RRAS2: variants seen among roughly 807,000 people sequenced by gnomAD.
The protein encoded by RRAS2 is ras-related protein R-Ras2.
RRAS2 carries 7 observed loss-of-function variants against 27.6 expected under a neutral mutation model. That is an observed-to-expected ratio of 0.25 (90% CI 0.14 to 0.48). The LOEUF (loss-of-function observed/expected upper bound fraction) is 0.48. Ranked by LOEUF, RRAS2 falls within the 20% of genes least tolerant of loss-of-function variation. The pLI, the probability that RRAS2 is intolerant of heterozygous loss-of-function variation, is 0.99. For missense variants in RRAS2, 178 were observed against 256.2 expected, an observed-to-expected ratio of 0.69 and a Z score of 2.08; for synonymous variants, 86 against 90.9, an observed-to-expected ratio of 0.95 and a Z score of 0.31.
At chr11:14,364,425 C>CTCA (rs1361995071) in exon 1 of RRAS2, 8 of 1,534,942 alleles carry the variant, frequency 5.2e-6, no homozygotes, top group Non-Finnish European at 7.0e-6. Flanking sequence ...CACTTATTTC[C>CTCA]TTAATGGGCC....
At chr11:14,335,458 C>T (rs1482764522) in intron 1 of RRAS2, among the ~76,000 whole-genome samples, 4 of 152,110 alleles carry the variant, frequency 2.6e-5, no homozygotes, top group South Asian at 2.1e-4. Context: ...AGATGAATGA[C>T]AAAATGACTT....
At chr11:14,361,161 C>T (rs1279387845), upstream of RRAS2, among the ~76,000 whole-genome samples, 1 of 152,140 alleles carries the variant, frequency 6.6e-6, no homozygotes, top group African/African-American at 2.4e-5. Flanking sequence ...GTGGTACACG[C>T]CTATAGTCCC....
At chr11:14,290,139 T>C (rs1849770840) in intron 4 of RRAS2, among the ~76,000 whole-genome samples, 1 of 152,158 alleles carries the variant, frequency 6.6e-6, no homozygotes, top group Non-Finnish European at 1.5e-5. Context: ...ACACCTTTAA[T>C]TGTGAAGAGA....
chr11:14,347,863 C>T (rs1028096182), intron 1 of RRAS2, among the ~76,000 whole-genome samples: 4 of 48,278 alleles, frequency 8.3e-5, no homozygotes, highest in African/African-American at 2.0e-4. Flanking sequence ...AAGATAAATT[C>T]CAGTAGAAAA....
At chr11:14,328,865 T>C (rs1554951495) in intron 1 of RRAS2, among the ~76,000 whole-genome samples, 1 of 151,840 alleles carries the variant, frequency 6.6e-6, no homozygotes, top group African/African-American at 2.4e-5. Flanking sequence ...GGTTTCTCCA[T>C]GTTGGTCAGG....
At chr11:14,280,230 G>A (rs1016092528) in intron 5 of RRAS2, among the ~76,000 whole-genome samples, 4 of 151,546 alleles carry the variant, frequency 2.6e-5, no homozygotes, top group Admixed American at 6.6e-5. Flanking sequence ...AACCATCATC[G>A]CCATCCATCT....
chr11:14,315,415 AC>A (rs2133988976), intron 1 of RRAS2, among the ~76,000 whole-genome samples: 1 of 152,372 alleles, frequency 6.6e-6, no homozygotes, highest in East Asian at 1.9e-4. Flanking sequence ...TCTACAAAAT[AC>A]TTAATGAGTA....
intron 1 of RRAS2, among the ~76,000 whole-genome samples, chr11:14,334,926 C>T (rs1327911791): frequency 6.6e-6 from 1 of 152,114 alleles, no homozygotes; most frequent in Non-Finnish European, 1.5e-5. Flanking sequence ...CTGCTCTTAC[C>T]TTCCTTCTTT....
At chr11:14,281,554 T>C (rs1390356427) in intron 5 of RRAS2, 48 bp downstream of exon 5, 1 of 1,429,858 alleles carries the variant, frequency 7.0e-7, no homozygotes, top group Non-Finnish European at 9.5e-7. Flanking sequence ...ACTAAAAACA[T>C]TTAATAGTAA....
intron 4 of RRAS2, among the ~76,000 whole-genome samples, chr11:14,284,892 C>T (rs1307397646): frequency 1.3e-5 from 2 of 152,076 alleles, no homozygotes; most frequent in Non-Finnish European, 2.9e-5. Flanking sequence ...TTTACTTTAA[C>T]CTTTGTGTCT....
At chr11:14,318,559 C>A (rs954111623) in intron 1 of RRAS2, among the ~76,000 whole-genome samples, 3 of 151,978 alleles carry the variant, frequency 2.0e-5, no homozygotes, top group Admixed American at 6.6e-5. Context: ...GAGATGGCAC[C>A]TATTCAATTA....
In RRAS2 at chr11:14,301,969, C is replaced by T. The variant is rs191339224; in HGVS notation, c.109-6114G>A. 1.4e-3 allele frequency among the ~76,000 whole-genome samples: 213 copies of T among 151,694 alleles called. 2 individuals are homozygous for T. The highest frequency in any genetic ancestry group is 2.4e-3 in the Non-Finnish European group (166 of 67,944). On this transcript the variant is annotated intron_variant, in intron 1 of 5. Coordinates refer to ENST00000256196, the MANE Select transcript of RRAS2 (RefSeq NM_012250.6). The stretch of plus-strand genomic sequence containing the variant: ...CTGCACTCCAGCCTGGGCAACAGAG[C>T]GAGACTCTTTCAAAAATTAAAATAA...
chr11:14,357,996 G>A (rs1564987003), intron 1 of RRAS2, among the ~76,000 whole-genome samples: 1 of 152,266 alleles, frequency 6.6e-6, no homozygotes, highest in South Asian at 2.1e-4. Flanking sequence ...GCTGGGGGTA[G>A]GGGAGAGGGT....
At chr11:14,312,262 A>G (rs1243758501) in intron 1 of RRAS2, among the ~76,000 whole-genome samples, 2 of 152,242 alleles carry the variant, frequency 1.3e-5, no homozygotes, top group African/African-American at 4.8e-5. Context: ...ACAGCCATTG[A>G]AAAGAATAAG....
At chr11:14,308,532 A>C (rs1313269482) in intron 1 of RRAS2, among the ~76,000 whole-genome samples, 1 of 152,210 alleles carries the variant, frequency 6.6e-6, no homozygotes, top group African/African-American at 2.4e-5. Flanking sequence ...CAATATGCCA[A>C]ATATAATTTA....
rs75033079 is a variant in RRAS2 at position 14,364,395 on chromosome 11, G to A, written c.-128C>T. 180,815 of 1,534,842 alleles carry A rather than the reference G, an allele frequency of 0.12. 11,660 individuals carry two copies. Among genetic ancestry groups the A allele is most frequent in the Non-Finnish European group, 0.13 (151,877 of 1,145,810 alleles). ...ATCAGAGCCTGCAATACTTACCATG[G>A]GTGATGGAGGAGCATCATCCACTTA... On this transcript the variant is annotated 5_prime_UTR_variant, in exon 1 of 6. Coordinates refer to the RRAS2 transcript ENST00000529237.
chr11:14,294,913 C>A, intron 2 of RRAS2, 51 bp from the exon 3 acceptor site: 1 of 1,524,878 alleles, frequency 6.6e-7, no homozygotes, highest in South Asian at 1.1e-5. Context: ...TAAACTGCTT[C>A]CCCACAAGGG....
chr11:14,310,415 G>C (rs1554948710), intron 1 of RRAS2, among the ~76,000 whole-genome samples: 1 of 152,166 alleles, frequency 6.6e-6, no homozygotes, highest in Non-Finnish European at 1.5e-5. Flanking sequence ...TTCACTGTTG[G>C]GAGGTCAGGA....
Position 14,305,701 on chromosome 11 carries a change from C to A in RRAS2, c.109-9846G>T, listed in dbSNP as rs138759248. Among the ~76,000 whole-genome samples, 7 of 152,286 alleles carry A rather than the reference C, an allele frequency of 4.6e-5. No homozygotes were observed. The East Asian group carries it at 1.4e-3, about 29-fold the overall frequency. On this transcript the variant is annotated intron_variant, in intron 1 of 5. Coordinates refer to ENST00000256196, the MANE Select transcript of RRAS2 (RefSeq NM_012250.6). ...AAACCCACAGACACATTCCCACTAG[C>A]AGTGTTTGGGGGTTCCAATTTTTCA...
Sources: allele counts gnomAD v4.1 joint callset (sites outside exome capture counted in the v4.1 genomes callset), GRCh38; gene constraint gnomAD v4.1.1; transcripts MANE v1.5; gene names NCBI Gene and HGNC (gene_info 2026-07-23, HGNC 2026-07-21).